The following IGSF10 variants were observed in gnomAD, a reference collection of about 807,000 sequenced individuals.
IGSF10 encodes the protein calvaria mechanical force protein 608.
IGSF10 carries 126 observed loss-of-function variants against 128.2 expected under a neutral mutation model. That is an observed-to-expected ratio of 0.98 (90% CI 0.85 to 1.14). IGSF10 has a LOEUF of 1.14. Ranked by LOEUF, IGSF10 falls within the 50% of genes most tolerant of loss-of-function variation. IGSF10 has a pLI of 0.00. For synonymous variants in IGSF10, 1,185 were observed against 1,146.2 expected (o/e 1.03, Z -0.68); for missense variants, 3,295 against 3,149.8 (o/e 1.05, Z -1.10).
chr3:151,529,080 C>T, the IGSF10 span, among the ~76,000 whole-genome samples: 1 of 152,134 alleles, frequency 6.6e-6, no homozygotes, highest in Non-Finnish European at 1.5e-5. Flanking sequence ...GTAAACAAAG[C>T]TGCCGGGAGG....
chr3:151,540,890 T>C, the IGSF10 span, among the ~76,000 whole-genome samples: 6 of 152,174 alleles, frequency 3.9e-5, no homozygotes, highest in Admixed American at 3.9e-4. Context: ...GGAGATCCAC[T>C]AGTAATTTTG....
At chr3:151,579,836 A>G in the IGSF10 span, among the ~76,000 whole-genome samples, 1 of 146,252 alleles carries the variant, frequency 6.8e-6, no homozygotes, top group Non-Finnish European at 1.5e-5. Context: ...GAAAGGAAGG[A>G]AGGAAAGAAG....
At chr3:151,433,100 G>T, downstream of IGSF10, 1 of 284,772 alleles carries the variant, frequency 3.5e-6, no homozygotes, top group Non-Finnish European at 6.6e-6. Context: ...TGCTTTTTTT[G>T]AATCTCACAT....
At chr3:151,464,606 T>C (rs2108589230), upstream of IGSF10, among the ~76,000 whole-genome samples, 1 of 152,316 alleles carries the variant, frequency 6.6e-6, no homozygotes, top group African/African-American at 2.4e-5. Context: ...CTTATATATG[T>C]GTCAACAGAT....
At chr3:151,587,878 T>A in the IGSF10 span, among the ~76,000 whole-genome samples, 4 of 152,216 alleles carry the variant, frequency 2.6e-5, no homozygotes, top group Non-Finnish European at 5.9e-5. Flanking sequence ...AAGACATGAC[T>A]TGCTACTCCT....
downstream of IGSF10, chr3:151,432,699 C>T (rs1186371136): frequency 5.3e-6 from 7 of 1,333,144 alleles, no homozygotes; most frequent in African/African-American, 1.4e-5. Context: ...TAGCATCCAT[C>T]TGTGCAATAG....
intron 7 of IGSF10, among the ~76,000 whole-genome samples, chr3:151,442,592 T>C (rs1577665537): frequency 1.3e-5 from 2 of 149,432 alleles, no homozygotes; most frequent in African/African-American, 5.0e-5. Context: ...TTTCACCATG[T>C]TGGCCGAGCT....
At chr3:151,466,886 T>A in the IGSF10 span, among the ~76,000 whole-genome samples, 3 of 152,170 alleles carry the variant, frequency 2.0e-5, no homozygotes, top group Non-Finnish European at 4.4e-5. Context: ...GCTCAACGTG[T>A]GCATTTTTAG....
chr3:151,568,851 T>C, the IGSF10 span, among the ~76,000 whole-genome samples: 1 of 152,166 alleles, frequency 6.6e-6, no homozygotes, highest in Non-Finnish European at 1.5e-5. Context: ...TGTGTAGTCA[T>C]GAAACCAAAC....
In IGSF10 at chr3:151,447,772, A is replaced by G; in HGVS notation, c.2209T>C (p.Phe737Leu). ...QRRGDSTHRR[F>L]RENRRHFPPS... ...GGGAAATGCCTCCTATTCTCCCTAA[A>G]ACGTCGATGTGTTGAATCTCCACGT... The change falls in exon 6 of 8, where the codon TTT becomes CTT. Residue 737 changes from phenylalanine to leucine, a missense_variant. Phe to Leu is a conservative substitution (Grantham distance 22). Transcript: ENST00000282466. The G allele has an allele frequency of 6.2e-7, 1 of 1,613,706 alleles. No individual in the cohort carries two copies. The highest frequency in any genetic ancestry group is 1.7e-5 in the Admixed American group (1 of 59,976).
the IGSF10 span, among the ~76,000 whole-genome samples, chr3:151,551,662 TACACACACACAC>T: frequency 4.5e-3 from 661 of 145,486 alleles, no homozygotes; most frequent in African/African-American, 0.015. Flanking sequence ...ACATGGGCAT[TACACACACACAC>T]ACACACACAC....
chr3:151,478,787 A>G, the IGSF10 span, among the ~76,000 whole-genome samples: 1 of 152,224 alleles, frequency 6.6e-6, no homozygotes, highest in Admixed American at 6.5e-5. Context: ...AGGGACTAAA[A>G]AAAAGAGTGT....
chr3:151,579,875 AAAGG>A, the IGSF10 span, among the ~76,000 whole-genome samples: 2,820 of 121,888 alleles, frequency 0.023, 36 homozygotes, highest in Non-Finnish European at 0.033. Context: ...GGGAGGAAGG[AAAGG>A]AAGGAAGGAA....
chr3:151,453,804 GT>G, intron 4 of IGSF10, 30 bp from the exon 5 acceptor site: 1 of 1,350,166 alleles, frequency 7.4e-7, no homozygotes, highest in Non-Finnish European at 1.0e-6. Flanking sequence ...ACATATTTAT[GT>G]TGTCAAAGGA....
At chr3:151,439,458 C>T (rs543794853) in intron 7 of IGSF10, among the ~76,000 whole-genome samples, 14 of 152,150 alleles carry the variant, frequency 9.2e-5, no homozygotes, top group South Asian at 2.1e-4. Context: ...ACTAAAAATA[C>T]GAAAAATTAG....
chr3:151,448,073 G>A lies in IGSF10; in HGVS notation c.1908C>T (p.Thr636=), dbSNP rs1346562619. The A allele has an allele frequency of 3.7e-6, 6 of 1,613,988 alleles. No individual in the cohort carries two copies. In the East Asian group the frequency reaches 8.9e-5, roughly 24 times the overall value. ...AGCGATAATAACCTTGGTCTTTCGGGGTGACCTGTAATATTCTTAATGTGC... is the reference window on the plus strand; with the variant it reads ...AGCGATAATAACCTTGGTCTTTCGGAGTGACCTGTAATATTCTTAATGTGC... The part of the protein sequence containing the change: ...NNGTLRILQV[T]PKDQGYYRCV... The change falls in exon 6 of 8, where the codon ACC becomes ACT. Residue 636 remains threonine, a synonymous_variant. Coordinates refer to ENST00000282466, the MANE Select transcript of IGSF10 (RefSeq NM_178822.5).
upstream of IGSF10, among the ~76,000 whole-genome samples, chr3:151,463,198 C>A (rs1722127631): frequency 6.6e-6 from 1 of 152,188 alleles, no homozygotes; most frequent in Admixed American, 6.5e-5. Flanking sequence ...GAGCTCTTCT[C>A]TGACGTATTT....
rs150053537 is a variant in IGSF10, at chr3:151,443,148, T to A, written c.5799A>T (p.Thr1933=). 1.7e-4 allele frequency: 268 copies of A among 1,614,146 alleles called. 1 individual carries two copies. The highest frequency in any genetic ancestry group is 2.2e-4 in the Non-Finnish European group (265 of 1,180,060). Residue 1933 remains threonine (T), a synonymous_variant, in exon 7 of 8, where the codon ACA becomes ACT. Transcript: ENST00000282466. ...TGSERRVVML[T]MEERVTSPRI... Reference sequence around the variant, plus strand: ...TGGGGCTGGTCACTCGCTCTTCCATTGTAAGCATTACTACTCTTCGCTCCG... The same window carrying A: ...TGGGGCTGGTCACTCGCTCTTCCATAGTAAGCATTACTACTCTTCGCTCCG...
At chr3:151,617,085 C>A in the IGSF10 span, among the ~76,000 whole-genome samples, 4 of 152,192 alleles carry the variant, frequency 2.6e-5, no homozygotes, top group African/African-American at 9.6e-5. Flanking sequence ...AAGTAGTTTT[C>A]CCTGTTGGGG....
Sources: gnomAD v4.1 joint callset for allele counts (sites outside exome capture counted in the v4.1 genomes callset) on GRCh38, gnomAD v4.1.1 for gene constraint, MANE v1.5 for transcripts, NCBI Gene and HGNC (gene_info 2026-07-23, HGNC 2026-07-21) for gene names.